Variants in CACNG4 observed in about 807,000 individuals in gnomAD.
CACNG4 encodes calcium voltage-gated channel auxiliary subunit gamma 4.
A neutral mutation model predicts 22.9 loss-of-function variants in CACNG4; 8 were observed. That is an observed-to-expected ratio of 0.35 (90% CI 0.21 to 0.63). The LOEUF is 0.63. Ranked by LOEUF, CACNG4 falls within the 30% of genes least tolerant of loss-of-function variation. The pLI is 0.72. For missense variants in CACNG4, 357 were observed against 455.4 expected, an observed-to-expected ratio of 0.78 and a Z score of 1.97; for synonymous variants, 188 against 191.9, an observed-to-expected ratio of 0.98 and a Z score of 0.17.
intron 2 of CACNG4, among the ~76,000 whole-genome samples, chr17:67,018,801 G>A (rs182242180): frequency 3.0e-3 from 450 of 152,228 alleles, no homozygotes; most frequent in Non-Finnish European, 5.4e-3. Context: ...AAGGTGCCAG[G>A]GAGCAGCCTC....
At chr17:67,008,039 C>G (rs1026841080) in intron 1 of CACNG4, among the ~76,000 whole-genome samples, 1 of 152,146 alleles carries the variant, frequency 6.6e-6, no homozygotes, top group African/African-American at 2.4e-5. Flanking sequence ...ACAGTGTAGC[C>G]GTGTGCACCG....
chr17:66,981,923 G>T (rs558835833), intron 1 of CACNG4, among the ~76,000 whole-genome samples: 1 of 152,120 alleles, frequency 6.6e-6, no homozygotes, highest in African/African-American at 2.4e-5. Flanking sequence ...TGCAGAAAGA[G>T]AGCTAACTCT....
In CACNG4 at chr17:67,032,321, C is replaced by A. The variant is rs1209800280; in HGVS notation, c.*1317C>A. The A allele has an allele frequency of 6.8e-6, 2 of 294,858 alleles. No homozygotes were observed. Among genetic ancestry groups the A allele is most frequent in the Non-Finnish European group, 1.3e-5 (2 of 152,298 alleles). 18.3% of individuals were successfully genotyped at this position (294,858 alleles called of 1,614,324 possible). ...CAAGCAAAGAGCGTGGAGGCGTGTGCAGGCTTGGAAGAAGAACTCTCCAGA... is the reference window on the plus strand; with the variant it reads ...CAAGCAAAGAGCGTGGAGGCGTGTGAAGGCTTGGAAGAAGAACTCTCCAGA... On this transcript the variant is annotated 3_prime_UTR_variant, in exon 4 of 4. Transcript: ENST00000262138.
chr17:67,013,815 A>AG (rs397806422), intron 1 of CACNG4, among the ~76,000 whole-genome samples: 1 of 151,720 alleles, frequency 6.6e-6, no homozygotes, highest in African/African-American at 2.4e-5. Flanking sequence ...AAAAAAAAAA[A>AG]GAAATATTCT....
intron 1 of CACNG4, among the ~76,000 whole-genome samples, chr17:67,014,792 C>T (rs573901413): frequency 1.9e-4 from 29 of 151,882 alleles, no homozygotes; most frequent in Non-Finnish European, 4.0e-4. Context: ...CAAAAATTAG[C>T]CAGTGGTGGT....
At chr17:66,973,820 G>A (rs1034699516) in intron 1 of CACNG4, among the ~76,000 whole-genome samples, 3 of 152,186 alleles carry the variant, frequency 2.0e-5, no homozygotes, top group Admixed American at 6.5e-5. Flanking sequence ...TCCAGGGAGA[G>A]GCCAGGGAGG....
chr17:66,980,402 G>A (rs561258918), intron 1 of CACNG4, among the ~76,000 whole-genome samples: 63 of 152,172 alleles, frequency 4.1e-4, no homozygotes, highest in Non-Finnish European at 8.2e-4. Context: ...CCCTCAGGGA[G>A]AATTTTTCTG....
At position 67,031,848 on chromosome 17, in the gene CACNG4, G is replaced by A; in HGVS notation, c.*844G>A. 1 of 456,694 alleles carries A rather than the reference G, an allele frequency of 2.2e-6. No homozygotes were observed. Among genetic ancestry groups the A allele is most frequent in the South Asian group, 1.5e-5 (1 of 64,570 alleles). 28.3% of individuals were successfully genotyped at this position (456,694 alleles called of 1,614,324 possible). A position where few individuals can be genotyped will look rare whatever the true frequency, so the allele number is the denominator to read the frequency against. Reference sequence around the variant, plus strand: ...GTGCCCCTTGTCATAGACCCAAGGAGCAACTCTGTCCCCTGAGCGTTGGGG... The same window carrying A: ...GTGCCCCTTGTCATAGACCCAAGGAACAACTCTGTCCCCTGAGCGTTGGGG... On this transcript the variant is annotated 3_prime_UTR_variant, in exon 4 of 4. Coordinates refer to ENST00000262138, the MANE Select transcript of CACNG4 (RefSeq NM_014405.4). The surrounding 1 kb of genome is among the most constrained non-coding windows in gnomAD (Gnocchi z 4.0).
chr17:67,004,601 G>A (rs901952029), intron 1 of CACNG4, among the ~76,000 whole-genome samples: 5 of 152,172 alleles, frequency 3.3e-5, no homozygotes, highest in Non-Finnish European at 7.3e-5. Flanking sequence ...GTAGAGCCTG[G>A]GCTTTGGAGC....
intron 1 of CACNG4, among the ~76,000 whole-genome samples, chr17:66,994,594 T>C (rs2035362442): frequency 6.6e-6 from 1 of 152,174 alleles, no homozygotes. Context: ...CTGGGTGTCA[T>C]GCAAGTAGAA....
intron 1 of CACNG4, among the ~76,000 whole-genome samples, chr17:67,013,242 A>G (rs1322611558): frequency 3.9e-5 from 6 of 152,118 alleles, no homozygotes; most frequent in Admixed American, 2.6e-4. Context: ...TCTGGCCCCC[A>G]GGGTTCACAC....
intron 1 of CACNG4, among the ~76,000 whole-genome samples, chr17:66,987,116 G>A (rs190629136): frequency 1.3e-5 from 2 of 152,142 alleles, no homozygotes; most frequent in African/African-American, 4.8e-5. Context: ...AATGAGTACA[G>A]GGTTTCCATT....
At chr17:67,022,734 G>C (rs540359697) in intron 2 of CACNG4, among the ~76,000 whole-genome samples, 4 of 152,252 alleles carry the variant, frequency 2.6e-5, no homozygotes, top group South Asian at 2.1e-4. Context: ...GGTCCATGCA[G>C]CCGAGATTTC....
intron 1 of CACNG4, among the ~76,000 whole-genome samples, chr17:66,990,461 C>T (rs942759856): frequency 6.6e-6 from 1 of 152,126 alleles, no homozygotes; most frequent in Non-Finnish European, 1.5e-5. Context: ...TACAGGGGCA[C>T]ACAGCAGCGG....
intron 1 of CACNG4, among the ~76,000 whole-genome samples, chr17:66,968,783 C>T (rs1030676687): frequency 1.3e-4 from 18 of 138,334 alleles, no homozygotes; most frequent in African/African-American, 4.7e-4. Flanking sequence ...TTCTCCATTC[C>T]TCTCTTCTCT....
At chr17:66,969,480 A>T (rs1290681934) in intron 1 of CACNG4, among the ~76,000 whole-genome samples, 1 of 152,170 alleles carries the variant, frequency 6.6e-6, no homozygotes, top group Non-Finnish European at 1.5e-5. Flanking sequence ...TAGTGGGGGA[A>T]GTTATGGAGA....
intron 1 of CACNG4, among the ~76,000 whole-genome samples, chr17:66,973,685 A>G (rs1164418727): frequency 6.6e-6 from 1 of 152,220 alleles, no homozygotes; most frequent in Non-Finnish European, 1.5e-5. Flanking sequence ...ACCTGCATAC[A>G]GTCTCAGAGA....
rs2035293756 is a variant in CACNG4, at chr17:66,984,408, G to A, written c.220+19277G>A. On this transcript the variant is annotated intron_variant, in intron 1 of 3. Transcript: ENST00000262138. This position sits in a 1 kb window ranked among gnomAD's most constrained non-coding sequence, Gnocchi z 4.0. ...CAAAAAACAAATATAGGTCTGGGAT[G>A]ACAAAGACTCACAGATGGCCTGCCA... Among the ~76,000 whole-genome samples the A allele has an allele frequency of 6.6e-6, 1 of 152,046 alleles. No individual in the cohort carries two copies. Among genetic ancestry groups the A allele is most frequent in the Non-Finnish European group, 1.5e-5 (1 of 68,024 alleles).
intron 1 of CACNG4, among the ~76,000 whole-genome samples, chr17:67,009,660 G>A (rs1484122772): frequency 6.6e-6 from 1 of 152,162 alleles, no homozygotes; most frequent in Non-Finnish European, 1.5e-5. Flanking sequence ...CAGTTCTGGA[G>A]GCTGCGAAGT....
Sources: allele counts gnomAD v4.1 joint callset (sites outside exome capture counted in the v4.1 genomes callset), GRCh38; gene constraint gnomAD v4.1.1; non-coding constraint Gnocchi (gnomAD v3.1); transcripts MANE v1.5; gene names NCBI Gene and HGNC (gene_info 2026-07-23, HGNC 2026-07-21).